RANBP9: variants seen among roughly 807,000 people sequenced by gnomAD.
RANBP9 encodes ran-binding protein 9.
A neutral mutation model predicts 84.3 loss-of-function variants in RANBP9; 15 were observed. The observed-to-expected ratio is 0.18, with a 90% CI of 0.12 to 0.27. The LOEUF (loss-of-function observed/expected upper bound fraction) is 0.27, where lower values mean the gene tolerates loss of function less well. RANBP9 is among the 10% of genes least tolerant of loss of function. RANBP9 has a pLI of 1.00. For missense variants in RANBP9, 809 were observed against 912.8 expected (o/e 0.89, Z 1.46); for synonymous variants, 392 against 349.6 (o/e 1.12, Z -1.35).
chr6:13,637,892 TTAC>T lies in RANBP9; in HGVS notation c.1586_1588del (p.Ser529del). The T allele has an allele frequency of 6.2e-7, 1 of 1,608,266 alleles. No homozygotes were observed. Among genetic ancestry groups the T allele is most frequent in the South Asian group, 1.1e-5 (1 of 90,902 alleles). Reference sequence around the variant, plus strand: ...ATTCAAGTTGGATGACTGGTGTTTATTACTATGGCAATATGATTGATGTGCTTT... The same window carrying T: ...ATTCAAGTTGGATGACTGGTGTTTATTATGGCAATATGATTGATGTGCTTT... On this transcript the variant is annotated inframe_deletion, in exon 10 of 14. Transcript: ENST00000011619.
chr6:13,646,545 AATG>A (rs1217338765), intron 5 of RANBP9, among the ~76,000 whole-genome samples: 1 of 152,258 alleles, frequency 6.6e-6, no homozygotes, highest in Non-Finnish European at 1.5e-5. Flanking sequence ...AGCAGTTTAT[AATG>A]ATGATATTCA....
chr6:13,637,180 T>C (rs147908971), intron 10 of RANBP9, among the ~76,000 whole-genome samples: 35 of 152,300 alleles, frequency 2.3e-4, no homozygotes, highest in Middle Eastern at 3.4e-3. Context: ...GACTGAGATA[T>C]CATCTTTCAA....
At chr6:13,658,147 G>A (rs1344780950) in intron 3 of RANBP9, among the ~76,000 whole-genome samples, 1 of 151,884 alleles carries the variant, frequency 6.6e-6, no homozygotes, top group African/African-American at 2.4e-5. Context: ...ATTAAGATGG[G>A]TTAAAAGTCA....
At chr6:13,674,917 A>G (rs1187501998) in intron 2 of RANBP9, among the ~76,000 whole-genome samples, 1 of 151,206 alleles carries the variant, frequency 6.6e-6, no homozygotes, top group African/African-American at 2.5e-5. Context: ...CTCAAGTAGT[A>G]ACAGTAATAA....
chr6:13,693,600 T>C (rs967247120), intron 2 of RANBP9, among the ~76,000 whole-genome samples: 2 of 151,960 alleles, frequency 1.3e-5, no homozygotes, highest in Non-Finnish European at 2.9e-5. Flanking sequence ...TACAAAAGAT[T>C]AGCCGGGGGT....
intron 2 of RANBP9, among the ~76,000 whole-genome samples, chr6:13,671,913 G>A (rs1272946322): frequency 1.3e-5 from 2 of 152,070 alleles, no homozygotes; most frequent in Non-Finnish European, 2.9e-5. Flanking sequence ...ACTCTTAGAA[G>A]CACTGGAAAA....
intron 2 of RANBP9, among the ~76,000 whole-genome samples, chr6:13,685,990 G>A (rs1766166733): frequency 6.7e-6 from 1 of 149,206 alleles, no homozygotes; most frequent in African/African-American, 2.5e-5. Context: ...AAATCCGAAA[G>A]AAACGAGCAG....
intron 2 of RANBP9, among the ~76,000 whole-genome samples, chr6:13,674,459 AT>A (rs1765843796): frequency 6.6e-6 from 1 of 152,196 alleles, no homozygotes; most frequent in South Asian, 2.1e-4. Flanking sequence ...ATCAAACAAG[AT>A]ATAACAATCC....
Position 13,652,639 on chromosome 6 carries a change from G to A in RANBP9, c.927+20C>T, listed in dbSNP as rs781647603. 1.8e-5 allele frequency: 28 copies of A among 1,561,292 alleles called. No individual in the cohort carries two copies. The highest frequency in any genetic ancestry group is 1.9e-5 in the Non-Finnish European group (22 of 1,142,328). ...TTCCTGTAATTAAAAATGGAAAACTGCTTTTAAAAAAAGTCTTACCGGTAG... is the reference window on the plus strand; with the variant it reads ...TTCCTGTAATTAAAAATGGAAAACTACTTTTAAAAAAAGTCTTACCGGTAG... On this transcript the variant is annotated intron_variant, in intron 5 of 13. Coordinates refer to ENST00000011619, the MANE Select transcript of RANBP9 (RefSeq NM_005493.3).
intron 10 of RANBP9, 102 bp downstream of exon 10, chr6:13,637,706 C>T (rs1764973290): frequency 1.6e-6 from 2 of 1,230,330 alleles, no homozygotes; most frequent in Non-Finnish European, 2.2e-6. Context: ...TCCCAGAGCC[C>T]CTCTGTGGGT....
At chr6:13,626,654 C>G (rs1764613915) in intron 12 of RANBP9, among the ~76,000 whole-genome samples, 1 of 152,182 alleles carries the variant, frequency 6.6e-6, no homozygotes, top group Non-Finnish European at 1.5e-5. Context: ...ATTCAGAACA[C>G]TCTTACCAAT....
intron 9 of RANBP9, 119 bp downstream of exon 9, chr6:13,639,444 C>A: frequency 8.9e-7 from 1 of 1,127,706 alleles, no homozygotes; most frequent in Non-Finnish European, 1.2e-6. Context: ...TCCCAAAGTG[C>A]TGGGATTACA....
At chr6:13,710,159 G>A (rs1408792945) in intron 1 of RANBP9, among the ~76,000 whole-genome samples, 5 of 152,182 alleles carry the variant, frequency 3.3e-5, no homozygotes, top group African/African-American at 9.7e-5. Flanking sequence ...ACAAGCCTAA[G>A]GTTGTTGTTT....
Position 13,675,560 on chromosome 6 carries a change from G to A in RANBP9, c.684-16728C>T, listed in dbSNP as rs183361080. Among the ~76,000 whole-genome samples, 306 of 151,898 alleles carry A rather than the reference G, an allele frequency of 2.0e-3. 3 individuals carry two copies. The highest frequency in any genetic ancestry group is 1.3e-3 in the Non-Finnish European group (89 of 67,962). On this transcript the variant is annotated intron_variant, in intron 2 of 13. Coordinates refer to ENST00000011619, the MANE Select transcript of RANBP9 (RefSeq NM_005493.3). The stretch of plus-strand genomic sequence containing the variant: ...CTAAAAATCAATGATTTAACTTTCC[G>A]CCTTAGGAAACTGGAGCAATAAATA...
intron 11 of RANBP9, among the ~76,000 whole-genome samples, chr6:13,634,025 G>A (rs760294388): frequency 6.8e-6 from 1 of 147,050 alleles, no homozygotes; most frequent in Admixed American, 6.9e-5. Flanking sequence ...AGTCACACAC[G>A]TTTACGTTAA....
chr6:13,641,393 A>G, intron 7 of RANBP9, 86 bp from the exon 8 acceptor site: 5 of 744,182 alleles, frequency 6.7e-6, no homozygotes, highest in South Asian at 1.9e-5. Context: ...AAAGTTAGTA[A>G]GAAATCTTTA....
chr6:13,650,208 C>T (rs1390525215), intron 5 of RANBP9, among the ~76,000 whole-genome samples: 2 of 149,540 alleles, frequency 1.3e-5, no homozygotes. Flanking sequence ...ATTATATTGC[C>T]CAAAGTGGTG....
At chr6:13,636,798 A>G (rs1283830112) in intron 10 of RANBP9, among the ~76,000 whole-genome samples, 1 of 152,196 alleles carries the variant, frequency 6.6e-6, no homozygotes, top group African/African-American at 2.4e-5. Flanking sequence ...ACTTCAGTAA[A>G]TTTTTGTCAC....
intron 5 of RANBP9, among the ~76,000 whole-genome samples, chr6:13,647,139 A>G (rs1765189707): frequency 6.6e-6 from 1 of 152,214 alleles, no homozygotes; most frequent in Admixed American, 6.5e-5. Flanking sequence ...AAATTGACCA[A>G]GTAATTTCAC....
Sources: gnomAD v4.1 joint callset for allele counts (sites outside exome capture counted in the v4.1 genomes callset) on GRCh38, gnomAD v4.1.1 for gene constraint, MANE v1.5 for transcripts, NCBI Gene and HGNC (gene_info 2026-07-23, HGNC 2026-07-21) for gene names.